ALS2: variants seen among roughly 807,000 people sequenced by gnomAD.
The protein encoded by ALS2 is alsin.
ALS2 carries 117 observed loss-of-function variants against 203.4 expected under a neutral mutation model. The ratio of observed to expected loss-of-function variants is 0.58; its 90% CI spans 0.50 to 0.67. ALS2 has a LOEUF of 0.67. Ranked by LOEUF, ALS2 falls within the 30% of genes least tolerant of loss-of-function variation. The pLI is 0.00. For synonymous variants in ALS2, 718 were observed against 725.9 expected (o/e 0.99, Z 0.17); for missense variants, 1,715 against 1,989.4 (o/e 0.86, Z 2.62).
intron 11 of ALS2, among the ~76,000 whole-genome samples, chr2:201,739,792 G>A (rs577991623): frequency 1.3e-5 from 2 of 151,788 alleles, no homozygotes; most frequent in South Asian, 4.2e-4. Flanking sequence ...AAGAAAATAT[G>A]TTAAAAGTGC....
At chr2:201,733,107 AT>A (rs1691676998) in intron 13 of ALS2, among the ~76,000 whole-genome samples, 168 bp downstream of exon 13, 4 of 152,238 alleles carry the variant, frequency 2.6e-5, no homozygotes, top group Non-Finnish European at 5.9e-5. Flanking sequence ...AACTCAATTT[AT>A]CTACAGTCAT....
chr2:201,705,187 G>A lies in ALS2; in HGVS notation c.4640C>T (p.Thr1547Met), dbSNP rs1472406927. The change falls in exon 31 of 34, where the codon ACG becomes ATG. Residue 1547 changes from threonine (T) to methionine (M), a missense_variant. Physicochemically the swap from Thr to Met is moderately conservative, Grantham distance 81. This residue lies in a region of ALS2 where 1,227 missense variants were observed against 1,413.5 expected (regional missense o/e 0.87). Transcript: ENST00000264276. ...TGCTGAGGCAAAACAAGCATCTTTC[G>A]TGGTTGGCAAAACCTGCAAAAAAGA... is the stretch of plus-strand genomic sequence containing the variant. ...LGESKKVLPT[T>M]KDACFASAVE... 8.1e-6 allele frequency: 13 copies of A among 1,614,062 alleles called. No individual in the cohort carries two copies. The highest frequency in any genetic ancestry group is 1.6e-4 in the Middle Eastern group (1 of 6,062).
chr2:201,706,109 G>C (rs866142534), intron 29 of ALS2, among the ~76,000 whole-genome samples: 3 of 152,158 alleles, frequency 2.0e-5, no homozygotes, highest in African/African-American at 7.2e-5. Flanking sequence ...AGCAGGGCTG[G>C]GCACAGTGGC....
intron 19 of ALS2, 41 bp downstream of exon 19, chr2:201,726,443 C>T (rs775300241): frequency 1.0e-5 from 16 of 1,538,486 alleles, no homozygotes; most frequent in South Asian, 2.2e-5. Flanking sequence ...ACGACCTTAC[C>T]GAACTTGAAT....
chr2:201,714,908 C>G (rs1690269398), intron 25 of ALS2, among the ~76,000 whole-genome samples: 1 of 152,166 alleles, frequency 6.6e-6, no homozygotes, highest in African/African-American at 2.4e-5. Context: ...CCATCACATC[C>G]CCAGTATTTT....
Position 201,744,346 on chromosome 2 carries a change from A to C in ALS2, c.2082T>G (p.Ser694Arg), listed in dbSNP as rs1692488754. 6 of 1,614,066 alleles carry C rather than the reference A, an allele frequency of 3.7e-6. No individual in the cohort carries two copies. The highest frequency in any genetic ancestry group is 5.1e-6 in the Non-Finnish European group (6 of 1,179,946). Residue 694 changes from serine to arginine, a missense_variant, in exon 10 of 34, where the codon AGT (serine) becomes AGG (arginine). Transcript: ENST00000264276. ...TTTCTGTAGTAGCTAACTCGTGGAG[A>C]CTGGCAATATACCCCATAATGTTTT... ...VDKNIMGYIA[S>R]LHELATTERR...
Position 201,777,256 on chromosome 2 carries a change from T to C in ALS2, c.-61+3621A>G, listed in dbSNP as rs987228575. 4.2e-5 allele frequency among the ~76,000 whole-genome samples: 6 copies of C among 143,108 alleles called. No individual in the cohort carries two copies. In the South Asian group the frequency reaches 6.2e-4, roughly 15 times the overall value. 93.9% of individuals were successfully genotyped at this position (143,108 alleles called of 152,430 possible). Reference sequence around the variant, plus strand: ...AATGTTAATTCCCCTGCAGGCTTCATGTCCTAAAGAAAGCATTTTCCCAGG... The same window carrying C: ...AATGTTAATTCCCCTGCAGGCTTCACGTCCTAAAGAAAGCATTTTCCCAGG... On this transcript the variant is annotated intron_variant, in intron 1 of 33. Coordinates refer to ENST00000264276, the MANE Select transcript of ALS2 (RefSeq NM_020919.4).
At chr2:201,757,340 C>A (rs541343109) in intron 5 of ALS2, 62 bp downstream of exon 5, 2 of 1,310,872 alleles carry the variant, frequency 1.5e-6, no homozygotes, top group Admixed American at 1.7e-5. Context: ...ATACAGCATG[C>A]GATGTCAGGA....
At chr2:201,729,268 A>G in intron 13 of ALS2, 85 bp from the exon 14 acceptor site, 2 of 1,455,036 alleles carry the variant, frequency 1.4e-6, no homozygotes, top group African/African-American at 2.8e-5. Flanking sequence ...TGCCTTAGAC[A>G]TATAGTATTA....
chr2:201,763,717 C>T (rs1693896507), intron 3 of ALS2: 1 of 154,752 alleles, frequency 6.5e-6, no homozygotes, highest in Non-Finnish European at 1.4e-5. Context: ...TGAAAGGCAC[C>T]AGTGAGTTGG....
At chr2:201,743,396 C>G (rs1414197696) in intron 10 of ALS2, among the ~76,000 whole-genome samples, 1 of 152,160 alleles carries the variant, frequency 6.6e-6, no homozygotes, top group Non-Finnish European at 1.5e-5. Flanking sequence ...AACCCATTGC[C>G]TCTGTATTAC....
chr2:201,750,175 A>G (rs1692943566), intron 7 of ALS2, among the ~76,000 whole-genome samples: 1 of 151,388 alleles, frequency 6.6e-6, no homozygotes, highest in Non-Finnish European at 1.5e-5. Context: ...TCCCAAAAAA[A>G]AAAAAAAGAA....
At chr2:201,759,178 G>A (rs1693601991) in intron 4 of ALS2, among the ~76,000 whole-genome samples, 1 of 152,082 alleles carries the variant, frequency 6.6e-6, no homozygotes, top group Non-Finnish European at 1.5e-5. Flanking sequence ...TTGAACTACT[G>A]TTCTAACTGG....
rs566648311 is a variant in ALS2 at position 201,728,746 on chromosome 2, C to T, written c.2713-106G>A. 58 of 1,359,332 alleles carry T rather than the reference C, an allele frequency of 4.3e-5. No individual in the cohort carries two copies. The East Asian group carries it at 8.6e-4, about 20-fold the overall frequency. The allele number at this position is 1,359,332 out of a possible 1,614,324, so 84.2% of individuals were successfully genotyped here. On this transcript the variant is annotated intron_variant, in intron 14 of 33. Transcript: ENST00000264276. ...ATCACATTTAAGGGAATTTGCTGGT[C>T]GTAGCTTAGCTTGGTGTAAAATCTA...
chr2:201,750,852 C>CT (rs550778369), intron 7 of ALS2, among the ~76,000 whole-genome samples: 1,579 of 137,456 alleles, frequency 0.011, 18 homozygotes, highest in African/African-American at 0.03. Flanking sequence ...TTTCCAATTC[C>CT]TTTTTTTTTT....
At chr2:201,749,474 A>G (rs1319646704) in intron 8 of ALS2, among the ~76,000 whole-genome samples, 1 of 152,204 alleles carries the variant, frequency 6.6e-6, no homozygotes, top group Non-Finnish European at 1.5e-5. Context: ...TTAAAAAAAC[A>G]AAGAAACTAT....
At chr2:201,727,327 T>TAC (rs768436101) in intron 16 of ALS2, 49 bp from the exon 17 acceptor site, 1 of 1,404,466 alleles carries the variant, frequency 7.1e-7, no homozygotes, top group Non-Finnish European at 1.0e-6. Flanking sequence ...AACCTGTCAT[T>TAC]ACAGTATCGA....
Position 201,749,765 on chromosome 2 carries a change from A to C in ALS2, c.1762T>G (p.Phe588Val), listed in dbSNP as rs750811211. Residue 588 changes from phenylalanine (F) to valine (V), a missense_variant, in exon 8 of 34, where the codon TTT (phenylalanine) becomes GTT (valine). By Grantham distance (50) the Phe-to-Val change is conservative. Transcript: ENST00000264276. ...SQVYSWGSNT[F>V]GQLGHSDFPT... ...AAATCGGAATGCCCAAGTTGACCAAAGGTATTGCTACCCCATGAGTAAACC... is the reference window on the plus strand; with the variant it reads ...AAATCGGAATGCCCAAGTTGACCAACGGTATTGCTACCCCATGAGTAAACC... 1 of 1,614,134 alleles carries C rather than the reference A, an allele frequency of 6.2e-7. No individual in the cohort carries two copies. Among genetic ancestry groups the C allele is most frequent in the South Asian group, 1.1e-5 (1 of 91,082 alleles).
chr2:201,753,277 G>A (rs1267784355), intron 6 of ALS2, 35 bp from the exon 7 acceptor site: 1 of 1,542,986 alleles, frequency 6.5e-7, no homozygotes, highest in South Asian at 1.1e-5. Context: ...CAAAGTCAAA[G>A]TATTCTCAGC....
Sources: allele counts gnomAD v4.1 joint callset (sites outside exome capture counted in the v4.1 genomes callset), GRCh38; gene constraint gnomAD v4.1.1; regional missense constraint gnomAD v4.1.1; transcripts MANE v1.5; gene names NCBI Gene and HGNC (gene_info 2026-07-23, HGNC 2026-07-21).